Variants in REDIC1 observed in about 807,000 individuals in gnomAD.
The protein encoded by REDIC1 is HEI10 Interacting Protein 1.
the REDIC1 span, among the ~76,000 whole-genome samples, chr12:39,781,022 A>T: frequency 6.6e-6 from 1 of 151,716 alleles, no homozygotes; most frequent in Non-Finnish European, 1.5e-5. Context: ...GTTTCACAAT[A>T]TTTCATCTCA....
the REDIC1 span, among the ~76,000 whole-genome samples, chr12:39,699,259 G>A: frequency 2.0e-5 from 3 of 152,168 alleles, no homozygotes; most frequent in South Asian, 4.1e-4. Flanking sequence ...TGCATGAGCC[G>A]AAGCTGGGCG....
chr12:39,795,147 G>A, the REDIC1 span, among the ~76,000 whole-genome samples: 1 of 151,618 alleles, frequency 6.6e-6, no homozygotes. Flanking sequence ...TTTGGAGTAC[G>A]CTAAACTTAT....
chr12:39,691,254 C>T, the REDIC1 span, among the ~76,000 whole-genome samples: 2 of 152,028 alleles, frequency 1.3e-5, no homozygotes, highest in East Asian at 3.8e-4. Flanking sequence ...TACAGTCTAG[C>T]TGTATGTCCA....
the REDIC1 span, chr12:39,643,941 G>A: frequency 6.7e-7 from 1 of 1,485,336 alleles, no homozygotes; most frequent in Non-Finnish European, 9.2e-7. Flanking sequence ...ATTGCATTCT[G>A]TTTTGAACTT....
chr12:39,677,278 C>T, the REDIC1 span, among the ~76,000 whole-genome samples: 46 of 152,028 alleles, frequency 3.0e-4, no homozygotes, highest in African/African-American at 1.1e-3. Flanking sequence ...AAACCAAAAG[C>T]GAGCAGGCGT....
chr12:39,705,456 A>C, the REDIC1 span, among the ~76,000 whole-genome samples: 7 of 152,246 alleles, frequency 4.6e-5, no homozygotes, highest in South Asian at 1.5e-3. Context: ...TTCCAAACCC[A>C]TTCTACAAGG....
At chr12:39,638,280 C>G in the REDIC1 span, among the ~76,000 whole-genome samples, 1 of 151,952 alleles carries the variant, frequency 6.6e-6, no homozygotes, top group Non-Finnish European at 1.5e-5. Flanking sequence ...TAGGCAGTTG[C>G]AGGAGCTGCA....
At chr12:39,814,826 T>A in the REDIC1 span, among the ~76,000 whole-genome samples, 1 of 152,210 alleles carries the variant, frequency 6.6e-6, no homozygotes, top group South Asian at 2.1e-4. Context: ...TATGTCACAA[T>A]ATGCATTATC....
At chr12:39,670,350 C>T in the REDIC1 span, among the ~76,000 whole-genome samples, 7 of 152,112 alleles carry the variant, frequency 4.6e-5, no homozygotes, top group African/African-American at 1.7e-4. Context: ...GCCACCACAC[C>T]CAGCTAATTT....
At chr12:39,888,804 A>C in the REDIC1 span, among the ~76,000 whole-genome samples, 100,992 of 152,006 alleles carry the variant, frequency 0.66, 33,712 homozygotes, top group South Asian at 0.75. Flanking sequence ...ATAATATTAT[A>C]TTAATAACTG....
chr12:39,763,117 C>T, the REDIC1 span, among the ~76,000 whole-genome samples: 2 of 151,736 alleles, frequency 1.3e-5, no homozygotes, highest in Non-Finnish European at 2.9e-5. Flanking sequence ...TTATTGTGCT[C>T]GTATTTATTA....
At chr12:39,763,103 A>C in the REDIC1 span, among the ~76,000 whole-genome samples, 1 of 152,170 alleles carries the variant, frequency 6.6e-6, no homozygotes, top group East Asian at 1.9e-4. Context: ...ATACGAGGAA[A>C]TATTTATTGT....
At chr12:39,669,998 C>T in the REDIC1 span, among the ~76,000 whole-genome samples, 1 of 152,120 alleles carries the variant, frequency 6.6e-6, no homozygotes. Flanking sequence ...CTTGCGCTTC[C>T]CAAGTGAGGC....
At chr12:39,884,419 G>A in the REDIC1 span, among the ~76,000 whole-genome samples, 6 of 152,016 alleles carry the variant, frequency 3.9e-5, no homozygotes, top group Admixed American at 3.9e-4. Context: ...TTTACCTCTG[G>A]TTGCCTAAAA....
At chr12:39,702,882 C>A in the REDIC1 span, among the ~76,000 whole-genome samples, 2 of 152,174 alleles carry the variant, frequency 1.3e-5, no homozygotes, top group African/African-American at 4.8e-5. Flanking sequence ...CACAATTCAA[C>A]AACCTTCATG....
chr12:39,782,302 G>A, the REDIC1 span, among the ~76,000 whole-genome samples: 1 of 152,118 alleles, frequency 6.6e-6, no homozygotes, highest in Non-Finnish European at 1.5e-5. Context: ...ATTCCTACGT[G>A]TTGTGGAAGG....
chr12:39,795,494 C>G, the REDIC1 span, among the ~76,000 whole-genome samples: 1 of 152,102 alleles, frequency 6.6e-6, no homozygotes, highest in African/African-American at 2.4e-5. Flanking sequence ...CTTTGCAGGT[C>G]CAGCTGATGA....
At chr12:39,868,748 T>C in the REDIC1 span, among the ~76,000 whole-genome samples, 2 of 152,200 alleles carry the variant, frequency 1.3e-5, no homozygotes, top group Non-Finnish European at 2.9e-5. Flanking sequence ...TGTCATTAAA[T>C]TTGTAATATT....
chr12:39,663,999 A>G, the REDIC1 span, among the ~76,000 whole-genome samples: 1 of 151,940 alleles, frequency 6.6e-6, no homozygotes, highest in Non-Finnish European at 1.5e-5. Flanking sequence ...GATTTCTGTT[A>G]AAAATTCATT....
Sources: gnomAD v4.1 joint callset for allele counts (sites outside exome capture counted in the v4.1 genomes callset) on GRCh38, gnomAD v4.1.1 for gene constraint, MANE v1.5 for transcripts, NCBI Gene and HGNC (gene_info 2026-07-23, HGNC 2026-07-21) for gene names.